Variants in SEL1L2 observed in about 807,000 individuals in gnomAD.
SEL1L2 encodes SEL1L2 adaptor subunit of SYVN1 ubiquitin ligase.
A neutral mutation model predicts 98.8 loss-of-function variants in SEL1L2; 89 were observed. The ratio of observed to expected loss-of-function variants is 0.90; its 90% CI spans 0.76 to 1.07. The LOEUF (loss-of-function observed/expected upper bound fraction) is 1.07, where lower values mean the gene tolerates loss of function less well. Among genes scored for constraint, SEL1L2 ranks in the 50% least tolerant of loss-of-function variants. The pLI is 0.00. For synonymous variants in SEL1L2, 262 were observed against 278.5 expected (o/e 0.94, Z 0.59); for missense variants, 788 against 812.0 (o/e 0.97, Z 0.36).
intron 1 of SEL1L2, among the ~76,000 whole-genome samples, chr20:13,976,221 C>T (rs573606191): frequency 6.6e-6 from 1 of 151,910 alleles, no homozygotes; most frequent in Non-Finnish European, 1.5e-5. Context: ...AGGCTGGTCT[C>T]GATCTCCTGA....
intron 11 of SEL1L2, among the ~76,000 whole-genome samples, chr20:13,876,737 A>T (rs2046449566): frequency 6.6e-6 from 1 of 152,212 alleles, no homozygotes; most frequent in Non-Finnish European, 1.5e-5. Flanking sequence ...ACCAACCTGG[A>T]TCTCCTCTTA....
Position 13,880,158 on chromosome 20 carries a change from T to C in SEL1L2, c.958-2570A>G, listed in dbSNP as rs146790020. ...CAAGGCAGCTGGACTTTAATCTTTATAGGCTCTTCTAGCTCTAGTATTATG... is the reference window on the plus strand; with the variant it reads ...CAAGGCAGCTGGACTTTAATCTTTACAGGCTCTTCTAGCTCTAGTATTATG... On this transcript the variant is annotated intron_variant, in intron 10 of 19. Coordinates refer to ENST00000284951, the MANE Select transcript of SEL1L2 (RefSeq NM_025229.2). Among the ~76,000 whole-genome samples, 521 of 152,362 alleles carry C rather than the reference T, an allele frequency of 3.4e-3. 3 individuals carry two copies. The highest frequency in any genetic ancestry group is 0.012 in the African/African-American group (495 of 41,584).
At chr20:13,983,330 T>C (rs577793567) in intron 1 of SEL1L2, among the ~76,000 whole-genome samples, 1 of 151,646 alleles carries the variant, frequency 6.6e-6, no homozygotes, top group African/African-American at 2.4e-5. Context: ...GAGTATCAAG[T>C]GAAAAAATGA....
intron 10 of SEL1L2, among the ~76,000 whole-genome samples, chr20:13,881,095 C>T (rs1376270343): frequency 6.6e-6 from 1 of 152,228 alleles, no homozygotes; most frequent in Admixed American, 6.5e-5. Flanking sequence ...CTCACTGTTA[C>T]CTCTGCCTCC....
intron 3 of SEL1L2, chr20:13,928,016 C>A (rs540438421): frequency 1.9e-4 from 29 of 152,268 alleles, no homozygotes; most frequent in African/African-American, 7.0e-4. Flanking sequence ...TCTAAGATTT[C>A]ATAGAGCAGA....
intron 18 of SEL1L2, among the ~76,000 whole-genome samples, chr20:13,856,340 G>A (rs1350991614): frequency 1.3e-5 from 2 of 152,100 alleles, no homozygotes; most frequent in Non-Finnish European, 2.9e-5. Flanking sequence ...ATGTTAGCCT[G>A]GCTGGTCTCA....
At chr20:13,937,308 C>T (rs993589944) in intron 2 of SEL1L2, among the ~76,000 whole-genome samples, 2 of 152,186 alleles carry the variant, frequency 1.3e-5, no homozygotes, top group African/African-American at 4.8e-5. Flanking sequence ...ATCTCCAACC[C>T]GCCCAAGTGT....
intron 2 of SEL1L2, among the ~76,000 whole-genome samples, chr20:13,955,217 G>C (rs989548118): frequency 2.0e-5 from 3 of 152,036 alleles, no homozygotes; most frequent in African/African-American, 7.2e-5. Flanking sequence ...ATAAAATACT[G>C]TATGTTGCAT....
chr20:13,886,378 A>G lies in SEL1L2; in HGVS notation c.810T>C (p.Pro270=). ...PVEKVRLTER[P]ENLSSNSEIL... is the part of the protein sequence containing the mutation. ...TCTCACTGTTAGAACTCAGATTTTC[A>G]GGTCTTTCCGTTAGTCTCACTTTTT... The change falls in exon 9 of 20, where the codon CCT becomes CCC. Residue 270 remains proline (P), a synonymous_variant. Transcript: ENST00000284951. 4 of 1,613,692 alleles carry G rather than the reference A, an allele frequency of 2.5e-6. No individual in the cohort carries two copies. Among genetic ancestry groups the G allele is most frequent in the Non-Finnish European group, 3.4e-6 (4 of 1,179,644 alleles).
At chr20:13,891,374 A>T (rs1417390577) in intron 5 of SEL1L2, among the ~76,000 whole-genome samples, 1 of 152,212 alleles carries the variant, frequency 6.6e-6, no homozygotes, top group Non-Finnish European at 1.5e-5. Flanking sequence ...ATGCTGAAAG[A>T]AAAAGCTGTC....
intron 1 of SEL1L2, among the ~76,000 whole-genome samples, chr20:13,967,770 T>C (rs1010065831): frequency 6.6e-6 from 1 of 152,130 alleles, no homozygotes; most frequent in Non-Finnish European, 1.5e-5. Context: ...CCCCAACCTC[T>C]ATGCTCTGAG....
At chr20:13,980,317 G>C (rs1183929980) in intron 1 of SEL1L2, among the ~76,000 whole-genome samples, 1 of 152,238 alleles carries the variant, frequency 6.6e-6, no homozygotes, top group Non-Finnish European at 1.5e-5. Flanking sequence ...CTGGGTTCAA[G>C]CTATTCTCCT....
rs1233617109 is a variant in SEL1L2 at position 13,988,971 on chromosome 20, T to C, written c.58+1506A>G. Among the ~76,000 whole-genome samples, 3 of 152,090 alleles carry C rather than the reference T, an allele frequency of 2.0e-5. No homozygotes were observed. In the East Asian group the frequency reaches 5.8e-4, roughly 29 times the overall value. On this transcript the variant is annotated intron_variant, in intron 1 of 19. Coordinates refer to ENST00000284951, the MANE Select transcript of SEL1L2 (RefSeq NM_025229.2). The stretch of plus-strand genomic sequence containing the variant: ...GAGGTTGCAGTGAGCCGAGATCACG[T>C]CATTGCACTCCAGCCTGGGCAACAA...
rs544238299 is a variant in SEL1L2, at chr20:13,854,900, AATT to A, written c.1818+4359_1818+4361del. On this transcript the variant is annotated intron_variant, in intron 18 of 19. Coordinates refer to ENST00000284951, the MANE Select transcript of SEL1L2 (RefSeq NM_025229.2). ...AACCCCATCTCTACTAAAATACTAA[AATT>A]AGCTGGGCATAGTGGTGCGTGCCTG... 9.9e-5 allele frequency among the ~76,000 whole-genome samples: 15 copies of A among 152,064 alleles called. No homozygotes were observed. In the South Asian group the frequency reaches 2.9e-3, roughly 30 times the overall value.
rs56306716 is a variant in SEL1L2, at chr20:13,897,722, G to A, written c.550-9210C>T. On this transcript the variant is annotated intron_variant, in intron 5 of 19. Coordinates refer to ENST00000284951, the MANE Select transcript of SEL1L2 (RefSeq NM_025229.2). The stretch of plus-strand genomic sequence containing the variant: ...CAAGTCAAAACCACAATAAGAGCCC[G>A]GGCATGGTGATGCATGCCTGTAATC... Among the ~76,000 whole-genome samples, 210 of 152,078 alleles carry A rather than the reference G, an allele frequency of 1.4e-3. 3 individuals carry two copies. Among genetic ancestry groups the A allele is most frequent in the African/African-American group, 4.5e-3 (185 of 41,478 alleles).
intron 2 of SEL1L2, among the ~76,000 whole-genome samples, chr20:13,950,232 T>C (rs1349970800): frequency 6.6e-6 from 1 of 152,140 alleles, no homozygotes; most frequent in Admixed American, 6.5e-5. Flanking sequence ...TTTTACAAGA[T>C]GGAGAGTCCT....
chr20:13,913,717 C>T, intron 5 of SEL1L2, 65 bp downstream of exon 5: 6 of 1,365,306 alleles, frequency 4.4e-6, no homozygotes, highest in Non-Finnish European at 5.8e-6. Context: ...CAACTCCTTT[C>T]ACATGCTGTC....
chr20:13,937,798 T>C (rs1440764507), intron 2 of SEL1L2, among the ~76,000 whole-genome samples: 3 of 152,226 alleles, frequency 2.0e-5, no homozygotes, highest in Non-Finnish European at 2.9e-5. Flanking sequence ...TTAATGAATA[T>C]GTGAGTTTCT....
chr20:13,891,663 C>CAAAAAA (rs61545047), intron 5 of SEL1L2, among the ~76,000 whole-genome samples: 13 of 74,190 alleles, frequency 1.8e-4, no homozygotes, highest in Non-Finnish European at 2.2e-4. Flanking sequence ...AAGACTCCAT[C>CAAAAAA]AAAAAAAAAA....
Sources: gnomAD v4.1 joint callset for allele counts (sites outside exome capture counted in the v4.1 genomes callset) on GRCh38, gnomAD v4.1.1 for gene constraint, MANE v1.5 for transcripts, NCBI Gene and HGNC (gene_info 2026-07-23, HGNC 2026-07-21) for gene names.